SIPA1L1: variants seen among roughly 807,000 people sequenced by gnomAD.
The protein encoded by SIPA1L1 is signal induced proliferation associated 1 like 1, also known as signal-induced proliferation-associated 1-like protein 1.
Under a neutral mutation model 162.7 loss-of-function variants are expected in SIPA1L1, and 26 were observed. The ratio of observed to expected loss-of-function variants is 0.16; its 90% CI spans 0.12 to 0.22. The LOEUF is 0.22. Among genes scored for constraint, SIPA1L1 ranks in the 10% least tolerant of loss-of-function variants. The pLI is 1.00. For missense variants in SIPA1L1, 1,874 were observed against 2,241.0 expected (o/e 0.84, Z 3.31); for synonymous variants, 829 against 837.4 (o/e 0.99, Z 0.17).
At chr14:71,444,553 T>C (rs989926758) in intron 2 of SIPA1L1, among the ~76,000 whole-genome samples, 11 of 152,174 alleles carry the variant, frequency 7.2e-5, no homozygotes, top group African/African-American at 2.2e-4. Context: ...AGTTCCCAGA[T>C]TGGCATTTCT....
At chr14:71,396,048 G>A (rs1373921113) in intron 2 of SIPA1L1, among the ~76,000 whole-genome samples, 2 of 152,078 alleles carry the variant, frequency 1.3e-5, no homozygotes, top group African/African-American at 4.8e-5. Flanking sequence ...GAACATAGTA[G>A]CTTGGAGAAC....
At chr14:71,616,335 C>T (rs779137352) in intron 5 of SIPA1L1, among the ~76,000 whole-genome samples, 2 of 152,126 alleles carry the variant, frequency 1.3e-5, no homozygotes, top group African/African-American at 4.8e-5. Flanking sequence ...ATTGGTGACC[C>T]ATGCAGTGGA....
intron 2 of SIPA1L1, among the ~76,000 whole-genome samples, chr14:71,386,965 G>A: frequency 6.6e-6 from 1 of 152,182 alleles, no homozygotes; most frequent in East Asian, 1.9e-4. Context: ...AAGAAAGACT[G>A]TGGCCGGGCG....
At chr14:71,476,649 TTTTA>T (rs200935200) in intron 2 of SIPA1L1, among the ~76,000 whole-genome samples, 5,141 of 146,242 alleles carry the variant, frequency 0.035, 94 homozygotes, top group African/African-American at 0.044. Context: ...AATTTGTTCG[TTTTA>T]TTTATTTATT....
At chr14:71,379,599 G>A (rs771227863) in intron 2 of SIPA1L1, 4 of 152,296 alleles carry the variant, frequency 2.6e-5, no homozygotes, top group Non-Finnish European at 4.4e-5. Context: ...ACCTGGCACA[G>A]TAAGACTTTT....
chr14:71,451,127 T>G (rs1412454813), intron 2 of SIPA1L1, among the ~76,000 whole-genome samples: 1 of 152,164 alleles, frequency 6.6e-6, no homozygotes, highest in Non-Finnish European at 1.5e-5. Context: ...TGGAGGACTT[T>G]ATGTTAGTGA....
chr14:71,538,788 C>A (rs1195099228), intron 4 of SIPA1L1, among the ~76,000 whole-genome samples: 1 of 152,042 alleles, frequency 6.6e-6, no homozygotes, highest in Non-Finnish European at 1.5e-5. Flanking sequence ...GCAAAGTAGT[C>A]CCATTTCTGT....
chr14:71,651,612 T>TAC (rs1399407407), intron 8 of SIPA1L1, among the ~76,000 whole-genome samples: 2 of 152,228 alleles, frequency 1.3e-5, no homozygotes, highest in African/African-American at 4.8e-5. Context: ...ATTCACCTGG[T>TAC]ACAGTTCATT....
chr14:71,556,796 A>G (rs1473226168), intron 4 of SIPA1L1, among the ~76,000 whole-genome samples: 5 of 152,248 alleles, frequency 3.3e-5, no homozygotes, highest in Non-Finnish European at 7.3e-5. Context: ...CTGGTTGACA[A>G]CCGTGTAGAA....
At chr14:71,662,299 G>A (rs138785683) in intron 10 of SIPA1L1, among the ~76,000 whole-genome samples, 350 of 152,252 alleles carry the variant, frequency 2.3e-3, no homozygotes, top group Non-Finnish European at 3.5e-3. Context: ...TAGAGTAAGC[G>A]TAGCTTAGGG....
At chr14:71,679,041 A>G (rs761915507) in intron 12 of SIPA1L1, among the ~76,000 whole-genome samples, 36 of 152,120 alleles carry the variant, frequency 2.4e-4, no homozygotes, top group East Asian at 5.8e-4. Context: ...AACTTCCCCA[A>G]CCTAGCAAGG....
intron 2 of SIPA1L1, among the ~76,000 whole-genome samples, chr14:71,383,117 GATA>G (rs1271194594): frequency 1.3e-5 from 2 of 152,168 alleles, no homozygotes; most frequent in Non-Finnish European, 2.9e-5. Context: ...GAAAATAAAT[GATA>G]ATAATGCTAG....
intron 6 of SIPA1L1, among the ~76,000 whole-genome samples, chr14:71,622,675 G>T (rs1195087418): frequency 6.6e-6 from 1 of 152,202 alleles, no homozygotes; most frequent in Non-Finnish European, 1.5e-5. Context: ...TATTTGAAAA[G>T]AAATTGTTTA....
intron 8 of SIPA1L1, among the ~76,000 whole-genome samples, chr14:71,654,923 G>A (rs1384520082): frequency 1.3e-5 from 2 of 151,858 alleles, no homozygotes; most frequent in Non-Finnish European, 2.9e-5. Flanking sequence ...TATAATAAGA[G>A]CATTGGATGC....
intron 5 of SIPA1L1, among the ~76,000 whole-genome samples, chr14:71,600,434 A>G (rs2036597420): frequency 6.6e-6 from 1 of 152,006 alleles, no homozygotes; most frequent in South Asian, 2.1e-4. Context: ...TGTATTCTGG[A>G]TTCTGTTCCA....
chr14:71,414,153 T>G (rs1414128017), intron 2 of SIPA1L1: 2 of 152,204 alleles, frequency 1.3e-5, no homozygotes, highest in Non-Finnish European at 2.9e-5. Context: ...CTGAGGTGGA[T>G]GGATCACCTG....
intron 2 of SIPA1L1, among the ~76,000 whole-genome samples, chr14:71,355,698 G>C (rs1382635041): frequency 6.6e-6 from 1 of 152,230 alleles, no homozygotes; most frequent in Non-Finnish European, 1.5e-5. Flanking sequence ...TGGCAGAGGT[G>C]ATGAAATTTA....
intron 5 of SIPA1L1, among the ~76,000 whole-genome samples, chr14:71,599,620 T>C (rs983866450): frequency 2.6e-5 from 4 of 152,214 alleles, no homozygotes; most frequent in Non-Finnish European, 4.4e-5. Flanking sequence ...CCTTTTGATA[T>C]GTTGATTTAT....
chr14:71,491,761 AACACACACACACACACACACAC>A (rs59275638), intron 2 of SIPA1L1, among the ~76,000 whole-genome samples: 9 of 97,956 alleles, frequency 9.2e-5, no homozygotes, highest in South Asian at 4.9e-4. Flanking sequence ...TTTTATTTCA[AACACACACACACACACACACAC>A]ACACACACAC....
Sources: allele counts gnomAD v4.1 joint callset (sites outside exome capture counted in the v4.1 genomes callset), GRCh38; gene constraint gnomAD v4.1.1; transcripts MANE v1.5; gene names NCBI Gene and HGNC (gene_info 2026-07-23, HGNC 2026-07-21).